The following TNRC6A variants were observed in gnomAD, a reference collection of about 807,000 sequenced individuals.
TNRC6A encodes trinucleotide repeat containing adaptor 6A, also known as trinucleotide repeat-containing gene 6A protein.
TNRC6A carries 44 observed loss-of-function variants against 221.2 expected under a neutral mutation model. The ratio of observed to expected loss-of-function variants is 0.20; its 90% CI spans 0.16 to 0.26. The LOEUF (loss-of-function observed/expected upper bound fraction) is 0.26. Among genes scored for constraint, TNRC6A ranks in the 10% least tolerant of loss-of-function variants. TNRC6A has a pLI of 1.00. For synonymous variants in TNRC6A, 847 were observed against 838.5 expected, an observed-to-expected ratio of 1.01 and a Z score of -0.18; for missense variants, 2,199 against 2,404.4, an observed-to-expected ratio of 0.91 and a Z score of 1.79.
chr16:24,736,113 C>G (rs1450054503), intron 2 of TNRC6A, among the ~76,000 whole-genome samples: 1 of 152,104 alleles, frequency 6.6e-6, no homozygotes, highest in Non-Finnish European at 1.5e-5. Context: ...TGCAGTGAGC[C>G]GAAATTGCGC....
rs1054352714 is a variant in TNRC6A, at chr16:24,825,786, T to C, written c.*1979T>C. The C allele has an allele frequency of 2.6e-5, 4 of 152,676 alleles. No individual in the cohort carries two copies. Among genetic ancestry groups the C allele is most frequent in the African/African-American group, 7.2e-5 (3 of 41,466 alleles). 9.5% of individuals were successfully genotyped at this position (152,676 alleles called of 1,614,324 possible). On this transcript the variant is annotated 3_prime_UTR_variant, in exon 25 of 25. Transcript: ENST00000395799. ...AACATGAAGCTTAATGACTTGACAGTGTACTAGTGTTAAACTCTCATACCT... is the reference window on the plus strand; with the variant it reads ...AACATGAAGCTTAATGACTTGACAGCGTACTAGTGTTAAACTCTCATACCT...
At chr16:24,778,802 G>T (rs919742597) in intron 5 of TNRC6A, among the ~76,000 whole-genome samples, 7 of 152,122 alleles carry the variant, frequency 4.6e-5, no homozygotes, top group Non-Finnish European at 1.0e-4. Context: ...CCAAGTAGTA[G>T]GCAATTAGTC....
intron 2 of TNRC6A, among the ~76,000 whole-genome samples, chr16:24,700,385 G>A (rs1349881049): frequency 2.0e-5 from 3 of 151,950 alleles, no homozygotes; most frequent in African/African-American, 7.3e-5. Flanking sequence ...ACAGACGCAT[G>A]CCACCATGCC....
chr16:24,659,501 G>A (rs34042231), intron 2 of TNRC6A, among the ~76,000 whole-genome samples: 1 of 152,056 alleles, frequency 6.6e-6, no homozygotes, highest in Non-Finnish European at 1.5e-5. Flanking sequence ...TGGCTGCAGT[G>A]GTACAAACAT....
chr16:24,720,517 C>T (rs574179845), intron 2 of TNRC6A, among the ~76,000 whole-genome samples: 3 of 149,608 alleles, frequency 2.0e-5, no homozygotes, highest in Non-Finnish European at 4.4e-5. Context: ...GGTGAAACCC[C>T]GTCTCTACTA....
In TNRC6A at chr16:24,695,574, G is replaced by A. The variant is rs148492541; in HGVS notation, n.402+54565G>A. 2.7e-3 allele frequency among the ~76,000 whole-genome samples: 414 copies of A among 151,826 alleles called. 1 individual carries two copies. Among genetic ancestry groups the A allele is most frequent in the African/African-American group, 9.6e-3 (399 of 41,414 alleles). On this transcript the variant is annotated intron_variant and non_coding_transcript_variant, in intron 2 of 2. Coordinates refer to the TNRC6A transcript ENST00000566108. ...ACCACCACGCCCGGCTAATTTTTGTGTTTTTAGTAGAGACGGGGTTTCGCC... is the reference window on the plus strand; with the variant it reads ...ACCACCACGCCCGGCTAATTTTTGTATTTTTAGTAGAGACGGGGTTTCGCC...
intron 3 of TNRC6A, among the ~76,000 whole-genome samples, chr16:24,756,315 A>G (rs2057249744): frequency 6.6e-6 from 1 of 152,192 alleles, no homozygotes; most frequent in South Asian, 2.1e-4. Flanking sequence ...TCTTAAAATG[A>G]CTGATCCCAC....
intron 2 of TNRC6A, among the ~76,000 whole-genome samples, chr16:24,736,997 A>G (rs1328116366): frequency 1.3e-5 from 2 of 152,222 alleles, no homozygotes; most frequent in African/African-American, 4.8e-5. Flanking sequence ...AAAATGAAAC[A>G]TTGGGGCTGG....
At chr16:24,789,174 G>T in intron 5 of TNRC6A, 58 bp from the exon 6 acceptor site, 2 of 1,461,722 alleles carry the variant, frequency 1.4e-6, no homozygotes, top group Non-Finnish European at 1.8e-6. Flanking sequence ...TTAGATTTTA[G>T]TATCATTTTG....
chr16:24,744,387 A>G (rs1055014009), intron 2 of TNRC6A, among the ~76,000 whole-genome samples: 11 of 152,300 alleles, frequency 7.2e-5, no homozygotes, highest in South Asian at 6.2e-4. Context: ...TTTCTCATCA[A>G]TGTGCTTGCC....
chr16:24,773,589 G>T (rs976625670), intron 4 of TNRC6A, among the ~76,000 whole-genome samples: 1 of 152,116 alleles, frequency 6.6e-6, no homozygotes, highest in African/African-American at 2.4e-5. Context: ...TGTTTCATGG[G>T]CATTTGTCAA....
chr16:24,777,113 C>T lies in TNRC6A; in HGVS notation c.344C>T (p.Pro115Leu), dbSNP rs11644562. Residue 115 changes from proline (P) to leucine (L), a missense_variant, in exon 5 of 25, where the codon CCG becomes CTG. By Grantham distance (98) the Pro-to-Leu change is moderately conservative (BLOSUM62 -3). This residue lies in a region of TNRC6A where 1,405 missense variants were observed against 1,400.2 expected (regional missense o/e 1.00). Transcript: ENST00000395799. ...QQQQPQQQPQPQPQQQQPQQQ... is the reference protein window; with the variant it reads ...QQQQPQQQPQLQPQQQQPQQQ... ...CAGCAGCCACAGCAGCAGCCACAGCCGCAGCCGCAGCAGCAGCAGCCACAG... is the reference window on the plus strand; with the variant it reads ...CAGCAGCCACAGCAGCAGCCACAGCTGCAGCCGCAGCAGCAGCAGCCACAG... The T allele has an allele frequency of 1.4e-5, 15 of 1,091,136 alleles. No homozygotes were observed. The highest frequency in any genetic ancestry group is 8.2e-5 in the African/African-American group (5 of 60,608). The allele number at this position is 1,091,136 out of a possible 1,614,324, so 67.6% of individuals were successfully genotyped here.
Position 24,789,754 on chromosome 16 carries a change from C to A in TNRC6A, c.1112C>A (p.Pro371Gln), listed in dbSNP as rs1461405219. ...LNSASNHGAW[P>Q]VLENNGLALK... is the part of the protein sequence containing the mutation. ...TCAGCTAGCAACCATGGTGCCTGGC[C>A]AGTATTAGAGAACAATGGACTTGCC... The change falls in exon 6 of 25, where the codon CCA becomes CAA. Residue 371 changes from proline (P) to glutamine (Q), a missense_variant. This residue lies in a region of TNRC6A where 1,405 missense variants were observed against 1,400.2 expected (regional missense o/e 1.00). Transcript: ENST00000395799. The A allele has an allele frequency of 1.2e-6, 2 of 1,614,110 alleles. No individual in the cohort carries two copies. Among genetic ancestry groups the A allele is most frequent in the East Asian group, 2.2e-5 (1 of 44,890 alleles).
chr16:24,729,395 G>A (rs1020770389), upstream of TNRC6A, among the ~76,000 whole-genome samples: 1 of 149,232 alleles, frequency 6.7e-6, no homozygotes, highest in Non-Finnish European at 1.5e-5. Context: ...AGGAGGAGGG[G>A]AGGGACTCCC....
At chr16:24,752,715 T>C (rs1251852918) in intron 3 of TNRC6A, among the ~76,000 whole-genome samples, 1 of 152,196 alleles carries the variant, frequency 6.6e-6, no homozygotes, top group Non-Finnish European at 1.5e-5. Context: ...TGAAAAGAGC[T>C]TCTAAGAAAC....
chr16:24,660,728 C>CTTTTTTTTTCTTTTTT (rs2055010160), intron 2 of TNRC6A, among the ~76,000 whole-genome samples: 1 of 122,552 alleles, frequency 8.2e-6, no homozygotes, highest in African/African-American at 3.3e-5. Flanking sequence ...TTTCTTTTTT[C>CTTTTTTTTTCTTTTTT]TTTTTTTTTT....
intron 21 of TNRC6A, among the ~76,000 whole-genome samples, chr16:24,819,335 T>C (rs2058718252): frequency 6.6e-6 from 1 of 152,152 alleles, no homozygotes; most frequent in African/African-American, 2.4e-5. Flanking sequence ...TGATAGTTGA[T>C]GTGGTTTACT....
At chr16:24,611,924 T>C (rs1301327245) in intron 1 of TNRC6A, among the ~76,000 whole-genome samples, 1 of 151,332 alleles carries the variant, frequency 6.6e-6, no homozygotes, top group Non-Finnish European at 1.5e-5. Context: ...GAAAACCCCA[T>C]CTCTACTAAA....
At chr16:24,754,376 CCCAATACATTT>C (rs1453805437) in intron 3 of TNRC6A, among the ~76,000 whole-genome samples, 1 of 151,866 alleles carries the variant, frequency 6.6e-6, no homozygotes, top group Non-Finnish European at 1.5e-5. Flanking sequence ...GTATTTCAGC[CCCAATACATTT>C]CTAATTAATA....
Sources: allele counts gnomAD v4.1 joint callset (sites outside exome capture counted in the v4.1 genomes callset), GRCh38; gene constraint gnomAD v4.1.1; regional missense constraint gnomAD v4.1.1; transcripts MANE v1.5; gene names NCBI Gene and HGNC (gene_info 2026-07-23, HGNC 2026-07-21).